Variants in RGS6 observed in about 807,000 individuals in gnomAD.
The protein encoded by RGS6 is regulator of G-protein signaling 6.
RGS6 carries 30 observed loss-of-function variants against 78.5 expected under a neutral mutation model. The observed-to-expected ratio is 0.38, with a 90% CI of 0.29 to 0.52. The LOEUF (loss-of-function observed/expected upper bound fraction) is 0.52. Among genes scored for constraint, RGS6 ranks in the 20% least tolerant of loss-of-function variants. The pLI is 0.85. For missense variants in RGS6, 495 were observed against 609.7 expected (o/e 0.81, Z 1.98); for synonymous variants, 206 against 206.0 (o/e 1.00, Z 0.00).
intron 2 of RGS6, among the ~76,000 whole-genome samples, chr14:72,148,399 T>TA (rs1035946825): frequency 4.6e-5 from 7 of 152,080 alleles, no homozygotes; most frequent in Non-Finnish European, 8.8e-5. Flanking sequence ...CCCTGTCTTT[T>TA]AAAAAAATGA....
At chr14:72,595,923 C>T in the RGS6 span, among the ~76,000 whole-genome samples, 1 of 152,206 alleles carries the variant, frequency 6.6e-6, no homozygotes, top group African/African-American at 2.4e-5. Context: ...TGCCAAACTC[C>T]TGATTCTGAT....
At chr14:72,334,193 G>C (rs2075602514) in intron 2 of RGS6, among the ~76,000 whole-genome samples, 1 of 152,206 alleles carries the variant, frequency 6.6e-6, no homozygotes, top group Non-Finnish European at 1.5e-5. Context: ...CATTTAATGG[G>C]GCCATCCTTC....
intron 2 of RGS6, among the ~76,000 whole-genome samples, chr14:72,158,750 C>G (rs138570673): frequency 6.6e-6 from 1 of 152,304 alleles, no homozygotes; most frequent in East Asian, 1.9e-4. Context: ...ATTTACCAAA[C>G]TACGTAAAAG....
intron 3 of RGS6, among the ~76,000 whole-genome samples, chr14:72,431,922 A>C (rs1366810733): frequency 6.6e-6 from 1 of 151,880 alleles, no homozygotes; most frequent in African/African-American, 2.4e-5. Flanking sequence ...GGATTTTCTC[A>C]TTTTGAATCT....
In RGS6 at chr14:71,937,518, C is replaced by T. The variant is rs555610354; in HGVS notation, c.-21+4577C>T. 6.6e-5 allele frequency among the ~76,000 whole-genome samples: 10 copies of T among 152,274 alleles called. No homozygotes were observed. The South Asian group carries it at 1.7e-3, about 25-fold the overall frequency. On this transcript the variant is annotated intron_variant, in intron 1 of 17. Transcript: ENST00000553525. Reference sequence around the variant, plus strand: ...CCCCAGCCCTGCAAAGTATTGTCACCTAGTTGGCATTGTAATTGTGACTTC... The same window carrying T: ...CCCCAGCCCTGCAAAGTATTGTCACTTAGTTGGCATTGTAATTGTGACTTC...
rs1567407728 is a variant in RGS6, at chr14:72,184,415, A to AC, written c.85-167680_85-167679insC. On this transcript the variant is annotated intron_variant, in intron 2 of 17. Transcript: ENST00000553525. ...ACACACACACACACACACACACAGA[A>AC]AGAGGGAGAGAAAGAGAGAGAAGCC... Among the ~76,000 whole-genome samples, 365 of 108,942 alleles carry AC rather than the reference A, an allele frequency of 3.4e-3. 1 individual carries two copies. The highest frequency in any genetic ancestry group is 0.012 in the African/African-American group (348 of 28,148). 71.5% of individuals were successfully genotyped at this position (108,942 alleles called of 152,430 possible). A position where few individuals can be genotyped will look rare whatever the true frequency, so the allele number is the denominator to read the frequency against.
At chr14:72,331,660 CCT>C (rs1376051698) in intron 2 of RGS6, among the ~76,000 whole-genome samples, 6 of 152,140 alleles carry the variant, frequency 3.9e-5, no homozygotes, top group Non-Finnish European at 8.8e-5. Context: ...ACTCTCTCCC[CCT>C]CTTTTTCTCT....
At chr14:72,172,336 T>C (rs889107675) in intron 2 of RGS6, among the ~76,000 whole-genome samples, 1 of 151,558 alleles carries the variant, frequency 6.6e-6, no homozygotes, top group Non-Finnish European at 1.5e-5. Flanking sequence ...ACAAATGTTA[T>C]CTTATCCTTA....
Position 72,077,633 on chromosome 14 carries a change from T to C in RGS6, c.84+112758T>C, listed in dbSNP as rs374996341. Among the ~76,000 whole-genome samples the C allele has an allele frequency of 7.2e-5, 11 of 152,172 alleles. 1 individual carries two copies. In the East Asian group the frequency reaches 7.7e-4, roughly 11 times the overall value. ...TTCTGTTTCTTTAATCTGCCTGTCTTTTTTTTGTGCCTGTTCCTTACTGTC... is the reference window on the plus strand; with the variant it reads ...TTCTGTTTCTTTAATCTGCCTGTCTCTTTTTTGTGCCTGTTCCTTACTGTC... On this transcript the variant is annotated intron_variant, in intron 2 of 17. Coordinates refer to ENST00000553525, the MANE Select transcript of RGS6 (RefSeq NM_001204424.2).
intron 2 of RGS6, among the ~76,000 whole-genome samples, chr14:72,303,038 A>G (rs2066454504): frequency 2.0e-5 from 3 of 152,184 alleles, no homozygotes; most frequent in Admixed American, 2.0e-4. Flanking sequence ...CTCCCCAGCT[A>G]TGTGGAACAG....
chr14:72,365,724 C>G (rs775342551), intron 3 of RGS6, among the ~76,000 whole-genome samples: 19 of 151,912 alleles, frequency 1.3e-4, no homozygotes, highest in Non-Finnish European at 2.2e-4. Context: ...TTGGTTACAT[C>G]TTTATTAATA....
At chr14:72,537,770 T>G (rs903237042) in intron 16 of RGS6, 3 of 569,304 alleles carry the variant, frequency 5.3e-6, no homozygotes, top group Admixed American at 6.1e-5. Flanking sequence ...GATCACAGTT[T>G]GGTGACTTTC....
intron 10 of RGS6, among the ~76,000 whole-genome samples, chr14:72,476,153 T>C (rs763758717): frequency 2.0e-5 from 3 of 152,210 alleles, no homozygotes; most frequent in Non-Finnish European, 2.9e-5. Flanking sequence ...GCTTTAAATG[T>C]AGCTATAGCT....
intron 2 of RGS6, among the ~76,000 whole-genome samples, chr14:72,269,097 C>T (rs965098294): frequency 2.0e-5 from 3 of 151,446 alleles, no homozygotes; most frequent in African/African-American, 7.3e-5. Flanking sequence ...TCCCTGCTGG[C>T]TCTACTTGTA....
chr14:72,203,050 AT>A (rs1287784140), intron 2 of RGS6, among the ~76,000 whole-genome samples: 2 of 151,556 alleles, frequency 1.3e-5, no homozygotes, highest in African/African-American at 4.9e-5. Flanking sequence ...AATTTTTTGT[AT>A]TTTTTAGTGG....
chr14:72,479,055 T>C (rs954161218), intron 12 of RGS6, among the ~76,000 whole-genome samples: 2 of 152,182 alleles, frequency 1.3e-5, no homozygotes, highest in Non-Finnish European at 2.9e-5. Flanking sequence ...CAATGACCAA[T>C]TGCTTAAGGA....
chr14:72,114,064 C>G (rs1477662493), intron 2 of RGS6, among the ~76,000 whole-genome samples: 1 of 152,144 alleles, frequency 6.6e-6, no homozygotes, highest in Non-Finnish European at 1.5e-5. Context: ...ATAATCAGGT[C>G]TGAGGACTGT....
intron 3 of RGS6, among the ~76,000 whole-genome samples, chr14:72,369,860 A>C (rs1376960820): frequency 6.6e-6 from 1 of 152,180 alleles, no homozygotes; most frequent in African/African-American, 2.4e-5. Context: ...ATTTATTCTT[A>C]ATTAGTATGC....
the RGS6 span, among the ~76,000 whole-genome samples, chr14:72,591,229 G>A: frequency 6.6e-6 from 1 of 152,090 alleles, no homozygotes; most frequent in African/African-American, 2.4e-5. Flanking sequence ...GCAAAATTAT[G>A]TTAAGAAATA....
Sources: allele counts gnomAD v4.1 joint callset (sites outside exome capture counted in the v4.1 genomes callset), GRCh38; gene constraint gnomAD v4.1.1; transcripts MANE v1.5; gene names NCBI Gene and HGNC (gene_info 2026-07-23, HGNC 2026-07-21).